The following SGO1 variants were observed in gnomAD, a reference collection of about 807,000 sequenced individuals.
The protein encoded by SGO1 is serologically defined breast cancer antigen NY-BR-85.
A neutral mutation model predicts 50.5 loss-of-function variants in SGO1; 39 were observed. That is an observed-to-expected ratio of 0.77 (90% CI 0.60 to 1.01). The LOEUF (loss-of-function observed/expected upper bound fraction) is 1.01. Ranked by LOEUF, SGO1 falls within the 50% of genes least tolerant of loss-of-function variation. SGO1 has a pLI of 0.00. For missense variants in SGO1, 638 were observed against 606.0 expected, an observed-to-expected ratio of 1.05 and a Z score of -0.55; for synonymous variants, 191 against 205.1, an observed-to-expected ratio of 0.93 and a Z score of 0.59.
intron 6 of SGO1, among the ~76,000 whole-genome samples, chr3:20,173,224 T>C (rs969639476): frequency 1.5e-4 from 23 of 152,064 alleles, no homozygotes; most frequent in African/African-American, 5.5e-4. Flanking sequence ...CTCTGTTTCC[T>C]GGGTACAAGC....
At chr3:20,172,129 G>A (rs1379024341) in intron 6 of SGO1, among the ~76,000 whole-genome samples, 1 of 152,152 alleles carries the variant, frequency 6.6e-6, no homozygotes, top group Non-Finnish European at 1.5e-5. Context: ...GAAATATGTT[G>A]TTTGGAACAA....
intron 8 of SGO1, among the ~76,000 whole-genome samples, chr3:20,162,358 C>G (rs1700080798): frequency 6.6e-6 from 1 of 152,126 alleles, no homozygotes; most frequent in Non-Finnish European, 1.5e-5. Context: ...AGTGAAAACC[C>G]CAGATGCTTC....
chr3:20,162,325 C>A (rs1700079397), intron 8 of SGO1, among the ~76,000 whole-genome samples: 1 of 152,140 alleles, frequency 6.6e-6, no homozygotes, highest in African/African-American at 2.4e-5. Flanking sequence ...ATGGATAGAC[C>A]TTGTTGAATA....
rs1463172044 is a variant in SGO1 at position 20,170,724 on chromosome 3, T to C, written c.1564A>G (p.Ser522Gly). Residue 522 changes from serine (S) to glycine (G), a missense_variant, in exon 8 of 8, where the codon AGT (serine) becomes GGT (glycine). Physicochemically the swap from Ser to Gly is moderately conservative, Grantham distance 56 (BLOSUM62 0). Coordinates refer to ENST00000412997, the MANE Select transcript of SGO1 (RefSeq NM_001199251.3). ...QKKDLRRSKKSMKQIQ is the reference protein window; with the variant it reads ...QKKDLRRSKKGMKQIQ ...AACCTTCATTGTATTTGTTTCATACTTTTTTTAGAACGTCTCAAATCCTTT... is the reference window on the plus strand; with the variant it reads ...AACCTTCATTGTATTTGTTTCATACCTTTTTTAGAACGTCTCAAATCCTTT... 1 of 1,582,648 alleles carries C rather than the reference T, an allele frequency of 6.3e-7. No individual in the cohort carries two copies.
chr3:20,166,842 CAAAAAAAAAAAAAAAA>C (rs58288144), downstream of SGO1, among the ~76,000 whole-genome samples: 2 of 42,736 alleles, frequency 4.7e-5, no homozygotes, highest in African/African-American at 9.7e-5. Context: ...CCATCTCTAC[CAAAAAAAAAAAAAAAA>C]AAAAAAAAAA....
chr3:20,180,970 C>G (rs1261458230), intron 3 of SGO1, among the ~76,000 whole-genome samples: 1 of 152,040 alleles, frequency 6.6e-6, no homozygotes, highest in Non-Finnish European at 1.5e-5. Context: ...CTACCCCCAA[C>G]AAAAAAATTA....
At chr3:20,183,853 G>GGACAACATAAAAATAAC (rs748859207) in intron 2 of SGO1, 33 bp downstream of exon 2, 1 of 1,606,798 alleles carries the variant, frequency 6.2e-7, no homozygotes, top group South Asian at 1.1e-5. Context: ...AAACTTAAAA[G>GGACAACATAAAAATAAC]TGATATAAAA....
intron 8 of SGO1, among the ~76,000 whole-genome samples, chr3:20,162,341 G>A (rs1014254085): frequency 2.0e-4 from 31 of 152,280 alleles, no homozygotes; most frequent in African/African-American, 7.2e-4. Context: ...GAATAAATGA[G>A]ACATTCAGTG....
At chr3:20,173,255 A>G (rs1481736437) in intron 6 of SGO1, among the ~76,000 whole-genome samples, 1 of 151,632 alleles carries the variant, frequency 6.6e-6, no homozygotes, top group African/African-American at 2.4e-5. Context: ...CTCCTGCCTC[A>G]GCCTCCCGAG....
In SGO1 at chr3:20,172,766, C is replaced by G. The variant is rs974312672; in HGVS notation, c.1282+1483G>C. ...GGAATTTGAGACCACCCTGGCAACA[C>G]AGTGAGACCTCATCTTCACAAAAAG... On this transcript the variant is annotated intron_variant, in intron 6 of 7. Coordinates refer to ENST00000412997, the MANE Select transcript of SGO1 (RefSeq NM_001199251.3). 3.8e-5 allele frequency among the ~76,000 whole-genome samples: 5 copies of G among 131,052 alleles called. No homozygotes were observed. The Admixed American group carries it at 4.5e-4, about 12-fold the overall frequency. The allele number at this position is 131,052 out of a possible 152,430, so 86.0% of individuals were successfully genotyped here.
At chr3:20,180,731 C>G (rs1701920305) in intron 3 of SGO1, among the ~76,000 whole-genome samples, 1 of 152,154 alleles carries the variant, frequency 6.6e-6, no homozygotes, top group Non-Finnish European at 1.5e-5. Context: ...GAAGCCAATT[C>G]TAATTTAATT....
At position 20,171,055 on chromosome 3, in the gene SGO1, G is replaced by C; in HGVS notation, c.1460C>G (p.Pro487Arg). The C allele has an allele frequency of 6.3e-7, 1 of 1,586,830 alleles. No homozygotes were observed. ...RCTASVNYKE[P>R]TLASKLRRGD... Reference sequence around the variant, plus strand: ...ACCAAATACTTACGAAGCGAGGGTGGGCTCCTTATAGTTCACGCTGGCTGT... The same window carrying C: ...ACCAAATACTTACGAAGCGAGGGTGCGCTCCTTATAGTTCACGCTGGCTGT... The change falls in exon 7 of 8, where the codon CCC (proline) becomes CGC (arginine). Residue 487 changes from proline to arginine, a missense_variant. Transcript: ENST00000412997.
Position 20,176,605 on chromosome 3 carries a change from T to G in SGO1, c.471A>C (p.Ile157=). ...TTAGATTTTCACTTGAATTACCTTC[T>G]ATTTGAAATGATTCTCCTTGTCCTG... is the stretch of plus-strand genomic sequence containing the variant. ...ELPGQGESFQ[I]EDQIPTIPQD... is the part of the protein sequence containing the mutation. The change falls in exon 5 of 8, where the codon ATA becomes ATC. Residue 157 remains isoleucine (I), a synonymous_variant. Coordinates refer to ENST00000412997, the MANE Select transcript of SGO1 (RefSeq NM_001199251.3). The G allele has an allele frequency of 6.4e-7, 1 of 1,563,096 alleles. No individual in the cohort carries two copies. Among genetic ancestry groups the G allele is most frequent in the East Asian group, 2.3e-5 (1 of 42,894 alleles).
At chr3:20,161,995 G>A (rs1014389781) in intron 8 of SGO1, among the ~76,000 whole-genome samples, 7 of 152,172 alleles carry the variant, frequency 4.6e-5, no homozygotes, top group African/African-American at 9.7e-5. Context: ...TCTTCCCAAC[G>A]TAGTTTCAGA....
Position 20,176,601 on chromosome 3 carries a change from C to T in SGO1, c.475G>A (p.Asp159Asn). Residue 159 changes from aspartate (D) to asparagine (N), a missense_variant and splice_region_variant, in exon 5 of 8, where the codon GAT becomes AAT. By Grantham distance (23) the Asp-to-Asn change is conservative. Transcript: ENST00000412997. The stretch of plus-strand genomic sequence containing the variant: ...ATTTTTAGATTTTCACTTGAATTAC[C>T]TTCTATTTGAAATGATTCTCCTTGT... Reference protein sequence around the residue: ...PGQGESFQIEDQIPTIPQDTL... With the variant: ...PGQGESFQIENQIPTIPQDTL... 1 of 1,554,030 alleles carries T rather than the reference C, an allele frequency of 6.4e-7. No homozygotes were observed. Among genetic ancestry groups the T allele is most frequent in the South Asian group, 1.3e-5 (1 of 79,664 alleles).
At chr3:20,165,746 C>CA (rs1700265430), downstream of SGO1, among the ~76,000 whole-genome samples, 2 of 152,052 alleles carry the variant, frequency 1.3e-5, no homozygotes, top group East Asian at 1.9e-4. Flanking sequence ...ATCATAGATA[C>CA]AAAAAATCCT....
intron 1 of SGO1, 61 bp from the exon 2 acceptor site, chr3:20,184,095 CAT>C: frequency 3.7e-6 from 5 of 1,363,234 alleles, no homozygotes; most frequent in African/African-American, 1.5e-5. Context: ...ACTTAAAAAA[CAT>C]AGGCTGTTCA....
chr3:20,168,538 T>G (rs1277746108), downstream of SGO1, among the ~76,000 whole-genome samples: 1 of 152,028 alleles, frequency 6.6e-6, no homozygotes, highest in Non-Finnish European at 1.5e-5. Flanking sequence ...CTGTACTTTC[T>G]GTGATGATGG....
chr3:20,168,913 G>A, downstream of SGO1: 1 of 984,076 alleles, frequency 1.0e-6, no homozygotes, highest in Non-Finnish European at 1.2e-6. Context: ...GATTACAGGT[G>A]TTAGTAGTTT....
Sources: allele counts gnomAD v4.1 joint callset (sites outside exome capture counted in the v4.1 genomes callset), GRCh38; gene constraint gnomAD v4.1.1; transcripts MANE v1.5; gene names NCBI Gene and HGNC (gene_info 2026-07-23, HGNC 2026-07-21).